Variants in PTPRT observed in about 807,000 individuals in gnomAD.
The protein encoded by PTPRT is receptor-type tyrosine-protein phosphatase T.
A neutral mutation model predicts 176.8 loss-of-function variants in PTPRT; 56 were observed. That is an observed-to-expected ratio of 0.32 (90% confidence interval 0.26 to 0.40). PTPRT has a LOEUF of 0.40. Among genes scored for constraint, PTPRT ranks in the 10% least tolerant of loss-of-function variants. The probability of loss-of-function intolerance (pLI) is 1.00; values close to 1 mark genes in which losing one functional copy is unlikely to be tolerated. For missense variants in PTPRT, 1,540 were observed against 1,908.2 expected, an observed-to-expected ratio of 0.81 and a Z score of 3.60; for synonymous variants, 783 against 739.0, an observed-to-expected ratio of 1.06 and a Z score of -0.96.
intron 9 of PTPRT, among the ~76,000 whole-genome samples, chr20:42,368,949 G>A (rs1412126834): frequency 6.6e-6 from 1 of 152,070 alleles, no homozygotes; most frequent in Non-Finnish European, 1.5e-5. Context: ...TGTGAGGGGT[G>A]GAGGAGTCCT....
At chr20:42,731,859 G>A (rs972658013) in intron 6 of PTPRT, among the ~76,000 whole-genome samples, 16 of 152,120 alleles carry the variant, frequency 1.1e-4, no homozygotes, top group African/African-American at 3.6e-4. Context: ...CCCACTCACT[G>A]ATCCCTTTCC....
intron 6 of PTPRT, among the ~76,000 whole-genome samples, chr20:42,737,853 C>T (rs1237526722): frequency 2.0e-5 from 3 of 152,140 alleles, no homozygotes; most frequent in Admixed American, 2.0e-4. Context: ...GATGGGTCAA[C>T]AGCCTTAGGG....
At chr20:42,603,235 G>A (rs1376788102) in intron 7 of PTPRT, among the ~76,000 whole-genome samples, 1 of 152,112 alleles carries the variant, frequency 6.6e-6, no homozygotes, top group Non-Finnish European at 1.5e-5. Context: ...ATGTAGTAAT[G>A]GTATGCTGGG....
chr20:43,041,912 T>C (rs1392484459), intron 1 of PTPRT, among the ~76,000 whole-genome samples: 1 of 152,256 alleles, frequency 6.6e-6, no homozygotes, highest in Non-Finnish European at 1.5e-5. Context: ...CCTGTCACTT[T>C]ACAGATAATG....
chr20:42,756,314 T>G, intron 6 of PTPRT, 148 bp downstream of exon 6: 1 of 789,368 alleles, frequency 1.3e-6, no homozygotes, highest in South Asian at 3.0e-5. Flanking sequence ...TTTGGGGAGT[T>G]TGTGTTGGGG....
At position 42,657,219 on chromosome 20, in the gene PTPRT, C is replaced by T. The variant is rs142743908; in HGVS notation, c.1153+20647G>A. Among the ~76,000 whole-genome samples, 291 of 152,306 alleles carry T rather than the reference C, an allele frequency of 1.9e-3. 3 individuals carry two copies. Among genetic ancestry groups the T allele is most frequent in the African/African-American group, 6.7e-3 (280 of 41,582 alleles). On this transcript the variant is annotated intron_variant, in intron 7 of 30. Coordinates refer to ENST00000373187, the MANE Select transcript of PTPRT (RefSeq NM_007050.6). ...TGTAGGTTTCCTGAGGCCTCCTAAG[C>T]CCTGTGGAACAGGGAGTCAATTAAA...
rs368370910 is a variant in PTPRT, at chr20:42,850,519, G to C, written c.214+35288C>G. Among the ~76,000 whole-genome samples, 5 of 152,280 alleles carry C rather than the reference G, an allele frequency of 3.3e-5. No individual in the cohort carries two copies. The East Asian group carries it at 7.7e-4, about 24-fold the overall frequency. On this transcript the variant is annotated intron_variant, in intron 2 of 30. Coordinates refer to ENST00000373187, the MANE Select transcript of PTPRT (RefSeq NM_007050.6). The stretch of plus-strand genomic sequence containing the variant: ...GCATTTTATTTATGTTAGGAGACTG[G>C]GCCATTAACCAGTGTTGTGAATGTG...
chr20:42,584,572 G>T (rs1568996167), intron 7 of PTPRT, among the ~76,000 whole-genome samples: 1 of 152,132 alleles, frequency 6.6e-6, no homozygotes, highest in Non-Finnish European at 1.5e-5. Flanking sequence ...CCTCTGGAGA[G>T]CCAGGGAACA....
In PTPRT at chr20:42,395,638, A is replaced by G. The variant is rs548481815; in HGVS notation, c.1561-43353T>C. Among the ~76,000 whole-genome samples, 6 of 152,254 alleles carry G rather than the reference A, an allele frequency of 3.9e-5. No individual in the cohort carries two copies. The East Asian group carries it at 9.6e-4, about 24-fold the overall frequency. The stretch of plus-strand genomic sequence containing the variant: ...CCTTGGGCCTGTGTAATCAGATTTC[A>G]GTACCCACAATTCTTTATAAATTGC... On this transcript the variant is annotated intron_variant, in intron 9 of 30. Coordinates refer to ENST00000373187, the MANE Select transcript of PTPRT (RefSeq NM_007050.6).
intron 1 of PTPRT, among the ~76,000 whole-genome samples, chr20:43,029,816 C>G (rs946758770): frequency 6.6e-6 from 1 of 152,188 alleles, no homozygotes; most frequent in African/African-American, 2.4e-5. Context: ...TAAATGCAGA[C>G]AGTCATGTGT....
intron 23 of PTPRT, among the ~76,000 whole-genome samples, chr20:42,108,922 T>TAAACAAAC (rs145174586): frequency 2.6e-5 from 4 of 152,146 alleles, no homozygotes; most frequent in African/African-American, 9.6e-5. Flanking sequence ...GTCCTGATGA[T>TAAACAAAC]AAACAAACAT....
intron 3 of PTPRT, among the ~76,000 whole-genome samples, chr20:42,783,107 G>A (rs896850240): frequency 2.0e-5 from 3 of 152,086 alleles, no homozygotes; most frequent in South Asian, 2.1e-4. Context: ...TAAATCCCTC[G>A]AAGAAGAAAT....
At chr20:42,608,419 C>T (rs2073919784) in intron 7 of PTPRT, among the ~76,000 whole-genome samples, 1 of 152,176 alleles carries the variant, frequency 6.6e-6, no homozygotes, top group Non-Finnish European at 1.5e-5. Context: ...ACCAAAATCC[C>T]TCCATTGTCC....
chr20:42,297,915 AGAC>A (rs2057411362), intron 12 of PTPRT, among the ~76,000 whole-genome samples: 1 of 152,202 alleles, frequency 6.6e-6, no homozygotes. Flanking sequence ...AAAATACATA[AGAC>A]TTAGAAGCAA....
At chr20:42,460,285 T>C (rs1354160833) in intron 8 of PTPRT, among the ~76,000 whole-genome samples, 1 of 152,204 alleles carries the variant, frequency 6.6e-6, no homozygotes, top group Non-Finnish European at 1.5e-5. Flanking sequence ...CAGCAAACTA[T>C]GGCTCTTGGG....
intron 16 of PTPRT, among the ~76,000 whole-genome samples, chr20:42,163,948 C>T (rs1050353127): frequency 3.3e-5 from 5 of 152,246 alleles, no homozygotes; most frequent in African/African-American, 1.2e-4. Flanking sequence ...GAATATCACT[C>T]CTGTGATGGT....
At position 42,323,160 on chromosome 20, in the gene PTPRT, TG is replaced by T. The variant is rs2057827105; in HGVS notation, c.1866-7165del. Among the ~76,000 whole-genome samples, 4 of 152,308 alleles carry T rather than the reference TG, an allele frequency of 2.6e-5. No homozygotes were observed. The South Asian group carries it at 8.3e-4, about 32-fold the overall frequency. On this transcript the variant is annotated intron_variant, in intron 11 of 30. Coordinates refer to ENST00000373187, the MANE Select transcript of PTPRT (RefSeq NM_007050.6). ...AATAGGAACACTTTTACACTGTTGG[TG>T]GGACTGTAATCCAGTTCAACCATTG... is the stretch of plus-strand genomic sequence containing the variant.
intron 1 of PTPRT, among the ~76,000 whole-genome samples, chr20:43,025,185 A>G (rs1312531802): frequency 1.3e-5 from 2 of 152,216 alleles, no homozygotes; most frequent in Non-Finnish European, 1.5e-5. Flanking sequence ...GATACTAACT[A>G]GATACCTTAC....
At chr20:42,615,258 A>T (rs1214189879) in intron 7 of PTPRT, among the ~76,000 whole-genome samples, 1 of 136,122 alleles carries the variant, frequency 7.3e-6, no homozygotes, top group Non-Finnish European at 1.5e-5. Flanking sequence ...CCTACAAAGG[A>T]CACGAACTCA....
Sources: allele counts gnomAD v4.1 joint callset (sites outside exome capture counted in the v4.1 genomes callset), GRCh38; gene constraint gnomAD v4.1.1; transcripts MANE v1.5; gene names NCBI Gene and HGNC (gene_info 2026-07-23, HGNC 2026-07-21).